The following CACNB2 variants were observed in gnomAD, a reference collection of about 807,000 sequenced individuals.
CACNB2 encodes the protein voltage-dependent L-type calcium channel subunit beta-2.
In CACNB2, 42 loss-of-function variants were observed where a neutral mutation model predicts 73.3. The ratio of observed to expected loss-of-function variants is 0.57; its 90% CI spans 0.45 to 0.74. The LOEUF (loss-of-function observed/expected upper bound fraction) is 0.74. Ranked by LOEUF, CACNB2 falls within the 30% of genes least tolerant of loss-of-function variation. The pLI, the probability that CACNB2 is intolerant of heterozygous loss-of-function variation, is 0.00. For missense variants in CACNB2, 940 were observed against 853.0 expected, an observed-to-expected ratio of 1.10 and a Z score of -1.27; for synonymous variants, 348 against 310.3, an observed-to-expected ratio of 1.12 and a Z score of -1.28.
chr10:18,472,117 C>G (rs1212064253), intron 3 of CACNB2, among the ~76,000 whole-genome samples: 1 of 151,898 alleles, frequency 6.6e-6, no homozygotes, highest in Admixed American at 6.6e-5. Context: ...TTTCTCTTCC[C>G]GGCTTTGCTT....
At chr10:18,179,991 C>T (rs1272925480) in intron 2 of CACNB2, among the ~76,000 whole-genome samples, 3 of 152,146 alleles carry the variant, frequency 2.0e-5, no homozygotes, top group South Asian at 2.1e-4. Flanking sequence ...TGCTTATATG[C>T]ACTAGTTGGC....
chr10:18,387,890 G>A (rs561398627), intron 2 of CACNB2, among the ~76,000 whole-genome samples: 21 of 152,170 alleles, frequency 1.4e-4, no homozygotes, highest in African/African-American at 4.8e-4. Flanking sequence ...CCAAGTAGCT[G>A]GGACTACAGG....
intron 2 of CACNB2, among the ~76,000 whole-genome samples, chr10:18,286,793 G>T (rs1348581282): frequency 6.6e-6 from 1 of 152,098 alleles, no homozygotes; most frequent in Non-Finnish European, 1.5e-5. Flanking sequence ...AGGTATTGCT[G>T]TTATCACTGT....
chr10:18,421,547 A>G (rs2132722595), intron 3 of CACNB2, among the ~76,000 whole-genome samples: 1 of 152,140 alleles, frequency 6.6e-6, no homozygotes, highest in Admixed American at 6.6e-5. Context: ...TGATCCACCC[A>G]CCTCAACCTC....
Position 18,362,837 on chromosome 10 carries a change from G to A in CACNB2, c.214-39087G>A, listed in dbSNP as rs560638978. Among the ~76,000 whole-genome samples, 5 of 152,270 alleles carry A rather than the reference G, an allele frequency of 3.3e-5. No homozygotes were observed. In the East Asian group the frequency reaches 9.7e-4, roughly 29 times the overall value. On this transcript the variant is annotated intron_variant, in intron 2 of 13. Transcript: ENST00000324631. ...GAGAGAGAATCACTTGAACCCGGCAGGTGGAGGTTGCAGTGAGCTGAGATC... is the reference window on the plus strand; with the variant it reads ...GAGAGAGAATCACTTGAACCCGGCAAGTGGAGGTTGCAGTGAGCTGAGATC...
chr10:18,332,236 A>G (rs916334090), intron 2 of CACNB2, among the ~76,000 whole-genome samples: 2 of 152,214 alleles, frequency 1.3e-5, no homozygotes, highest in Non-Finnish European at 2.9e-5. Context: ...ACAGCGTCCA[A>G]GAGATGAGCT....
At chr10:18,418,171 T>C (rs547660873) in intron 3 of CACNB2, among the ~76,000 whole-genome samples, 2 of 152,336 alleles carry the variant, frequency 1.3e-5, no homozygotes, top group African/African-American at 4.8e-5. Context: ...GCCTCCCATG[T>C]TCAGGCGATT....
Position 18,260,052 on chromosome 10 carries a change from G to A in CACNB2, c.213+109077G>A, listed in dbSNP as rs572997435. Among the ~76,000 whole-genome samples the A allele has an allele frequency of 2.0e-5, 3 of 152,332 alleles. No homozygotes were observed. In the East Asian group the frequency reaches 5.8e-4, roughly 29 times the overall value. On this transcript the variant is annotated intron_variant, in intron 2 of 13. Transcript: ENST00000324631. The stretch of plus-strand genomic sequence containing the variant: ...CTTAGGTCTCAACAGAATATGGAAT[G>A]ACTTGGGCATGGGTGCAAATTTGGA...
At chr10:18,401,212 T>A in intron 2 of CACNB2, 1 of 1,291,732 alleles carries the variant, frequency 7.7e-7, no homozygotes, top group Non-Finnish European at 1.1e-6. Flanking sequence ...CGGATCATGA[T>A]TGCAGGAGAG....
At chr10:18,249,836 C>T (rs1161822644) in intron 2 of CACNB2, among the ~76,000 whole-genome samples, 2 of 152,162 alleles carry the variant, frequency 1.3e-5, no homozygotes, top group African/African-American at 2.4e-5. Context: ...TGCTCCACAT[C>T]GATGTCCTAC....
intron 2 of CACNB2, among the ~76,000 whole-genome samples, chr10:18,227,905 CT>C (rs2036060536): frequency 6.6e-6 from 1 of 152,090 alleles, no homozygotes; most frequent in Non-Finnish European, 1.5e-5. Context: ...GATAGAGTCA[CT>C]TTTGTCTCCA....
rs1210319688 is a variant in CACNB2 at position 18,452,586 on chromosome 10, C to T, written c.334-45769C>T. On this transcript the variant is annotated intron_variant, in intron 3 of 13. Coordinates refer to ENST00000324631, the MANE Select transcript of CACNB2 (RefSeq NM_201596.3). ...AAAGTCAGGGTCTTGCTCTGTTAGC[C>T]AGGCTGGAGTGCAGTAGCACAATCA... Among the ~76,000 whole-genome samples, 3 of 152,134 alleles carry T rather than the reference C, an allele frequency of 2.0e-5. No individual in the cohort carries two copies. The East Asian group carries it at 5.8e-4, about 29-fold the overall frequency.
At chr10:18,407,402 G>A (rs1332300265) in intron 3 of CACNB2, among the ~76,000 whole-genome samples, 3 of 151,884 alleles carry the variant, frequency 2.0e-5, no homozygotes, top group Admixed American at 6.6e-5. Context: ...GCTTACAGAT[G>A]TGGCCCACCA....
intron 2 of CACNB2, among the ~76,000 whole-genome samples, chr10:18,196,679 A>G (rs771744530): frequency 1.6e-4 from 25 of 152,148 alleles, no homozygotes; most frequent in Non-Finnish European, 3.5e-4. Context: ...CTTAACTTTT[A>G]TCACATCTAT....
intron 3 of CACNB2, among the ~76,000 whole-genome samples, chr10:18,492,620 C>CAAAAAAAAAAAAAAAAAAAAAAAAA (rs371407084): frequency 2.2e-5 from 2 of 90,456 alleles, no homozygotes; most frequent in Non-Finnish European, 4.1e-5. Flanking sequence ...GACTCTGTCT[C>CAAAAAAAAAAAAAAAAAAAAAAAAA]AAAAAAAAAA....
chr10:18,343,886 G>C (rs2041336689), intron 2 of CACNB2, among the ~76,000 whole-genome samples: 2 of 152,054 alleles, frequency 1.3e-5, no homozygotes, highest in Non-Finnish European at 1.5e-5. Context: ...ACATTTTCTA[G>C]CTTCTGCCAA....
chr10:18,261,462 G>T, intron 2 of CACNB2: 4 of 1,100,520 alleles, frequency 3.6e-6, no homozygotes, highest in Non-Finnish European at 4.0e-6. Flanking sequence ...GAGTTTTCAA[G>T]GAATCTGAGG....
At chr10:18,376,663 A>C (rs2132331532) in intron 2 of CACNB2, among the ~76,000 whole-genome samples, 1 of 152,170 alleles carries the variant, frequency 6.6e-6, no homozygotes, top group Middle Eastern at 3.4e-3. Context: ...GTGAGGGAGA[A>C]GTTTTATGGT....
intron 3 of CACNB2, among the ~76,000 whole-genome samples, chr10:18,497,073 G>A (rs192531225): frequency 4.9e-4 from 74 of 151,554 alleles, no homozygotes; most frequent in Middle Eastern, 3.4e-3. Flanking sequence ...TTAGCTGGGC[G>A]TGGTGGCTCA....
Sources: allele counts gnomAD v4.1 joint callset (sites outside exome capture counted in the v4.1 genomes callset), GRCh38; gene constraint gnomAD v4.1.1; transcripts MANE v1.5; gene names NCBI Gene and HGNC (gene_info 2026-07-23, HGNC 2026-07-21).